The following SYN2 variants were observed in gnomAD, a reference collection of about 807,000 sequenced individuals.
The protein encoded by SYN2 is synapsin II.
In SYN2, 19 loss-of-function variants were observed where a neutral mutation model predicts 50.9. That is an observed-to-expected ratio of 0.37 (90% CI 0.26 to 0.55). SYN2 has a LOEUF of 0.55. Ranked by LOEUF, SYN2 falls within the 20% of genes least tolerant of loss-of-function variation. The probability of loss-of-function intolerance (pLI) is 0.81; values close to 1 mark genes in which losing one functional copy is unlikely to be tolerated. For missense variants in SYN2, 587 were observed against 576.4 expected (o/e 1.02, Z -0.19); for synonymous variants, 255 against 224.9 (o/e 1.13, Z -1.20).
At chr3:12,156,957 G>A (rs1197396872) in intron 5 of SYN2, 1 of 1,547,664 alleles carries the variant, frequency 6.5e-7, no homozygotes, top group Non-Finnish European at 8.9e-7. Flanking sequence ...TACAAAAAAA[G>A]GCAATATTGG....
chr3:12,165,797 C>A (rs531011583), intron 7 of SYN2, among the ~76,000 whole-genome samples: 2 of 152,140 alleles, frequency 1.3e-5, no homozygotes, highest in African/African-American at 2.4e-5. Flanking sequence ...ATTCTGTCTT[C>A]GTGTTTCTAC....
chr3:12,043,368 C>G (rs1032965903), intron 1 of SYN2, among the ~76,000 whole-genome samples: 5 of 152,006 alleles, frequency 3.3e-5, no homozygotes, highest in African/African-American at 1.2e-4. Flanking sequence ...TTAAAGCCAC[C>G]AAATTAGTGG....
Position 12,164,403 on chromosome 3 carries a change from A to G in SYN2, c.980+2249A>G, listed in dbSNP as rs1697729962. 2.0e-5 allele frequency among the ~76,000 whole-genome samples: 3 copies of G among 152,216 alleles called. No homozygotes were observed. The South Asian group carries it at 6.2e-4, about 32-fold the overall frequency. ...CATTTATTTACTTTTTTGGTGTGCA[A>G]GGGACCGTCAGTTATTGGAGAAATG... On this transcript the variant is annotated intron_variant, in intron 7 of 12. Coordinates refer to ENST00000621198, the MANE Select transcript of SYN2 (RefSeq NM_133625.6).
intron 10 of SYN2, among the ~76,000 whole-genome samples, chr3:12,182,600 A>G (rs1485036332): frequency 6.6e-6 from 1 of 152,156 alleles, no homozygotes; most frequent in East Asian, 1.9e-4. Flanking sequence ...TGTTACAAAC[A>G]TTAATGTCTT....
At chr3:12,119,859 TTTTTA>T (rs1696514327) in intron 1 of SYN2, among the ~76,000 whole-genome samples, 1 of 152,120 alleles carries the variant, frequency 6.6e-6, no homozygotes, top group Admixed American at 6.6e-5. Flanking sequence ...CACCTTGAGT[TTTTTA>T]TACAGTGTCA....
intron 1 of SYN2, among the ~76,000 whole-genome samples, chr3:12,068,391 TC>T (rs763977939): frequency 6.6e-6 from 1 of 152,172 alleles, no homozygotes; most frequent in Non-Finnish European, 1.5e-5. Flanking sequence ...GTTGATCTGT[TC>T]CCACCCTCTT....
chr3:12,145,893 A>T, intron 4 of SYN2, 58 bp downstream of exon 4: 1 of 1,601,514 alleles, frequency 6.2e-7, no homozygotes, highest in Non-Finnish European at 8.5e-7. Context: ...TACATCTCCC[A>T]GGTCCCTAGC....
chr3:12,108,757 G>A (rs1051006480), intron 1 of SYN2, among the ~76,000 whole-genome samples: 1 of 151,450 alleles, frequency 6.6e-6, no homozygotes, highest in Non-Finnish European at 1.5e-5. Context: ...ATTGCAGTGG[G>A]GTCCTAAATC....
At chr3:12,056,560 T>C (rs1172856499) in intron 1 of SYN2, among the ~76,000 whole-genome samples, 1 of 152,186 alleles carries the variant, frequency 6.6e-6, no homozygotes, top group Non-Finnish European at 1.5e-5. Flanking sequence ...CACCTATATA[T>C]TAAAAATATT....
rs1697030362 is a variant in SYN2 at position 12,142,017 on chromosome 3, A to G, written c.527+21A>G. The G allele has an allele frequency of 1.7e-5, 13 of 780,492 alleles. No individual in the cohort carries two copies. In the East Asian group the frequency reaches 3.2e-4, roughly 19 times the overall value. 48.3% of individuals were successfully genotyped at this position (780,492 alleles called of 1,614,324 possible). On this transcript the variant is annotated intron_variant, in intron 3 of 12. Coordinates refer to ENST00000621198, the MANE Select transcript of SYN2 (RefSeq NM_133625.6). ...GTCCGGTAAGGGTCTTTCTGTCCTC[A>G]GGATCATTGTGACTGTCTCCAGAGT... is the stretch of plus-strand genomic sequence containing the variant.
At chr3:12,166,336 A>G (rs1157424313) in intron 7 of SYN2, among the ~76,000 whole-genome samples, 2 of 152,220 alleles carry the variant, frequency 1.3e-5, no homozygotes, top group Non-Finnish European at 2.9e-5. Flanking sequence ...TTAAAAAGAC[A>G]TATTTTGGGT....
chr3:12,079,294 T>C (rs1384641874), intron 1 of SYN2, among the ~76,000 whole-genome samples: 1 of 152,204 alleles, frequency 6.6e-6, no homozygotes, highest in African/African-American at 2.4e-5. Context: ...TATCCTTTTT[T>C]CTTTCTCTTG....
intron 1 of SYN2, among the ~76,000 whole-genome samples, chr3:12,128,968 G>A (rs1416074592): frequency 6.6e-6 from 1 of 152,134 alleles, no homozygotes; most frequent in African/African-American, 2.4e-5. Context: ...CCACAAGGTC[G>A]CTATTCTCAT....
intron 1 of SYN2, among the ~76,000 whole-genome samples, chr3:12,104,629 C>T (rs1435918508): frequency 2.0e-4 from 24 of 117,566 alleles, no homozygotes; most frequent in African/African-American, 7.7e-4. Context: ...GGCTGGAGTG[C>T]GGTGGAGCGA....
chr3:12,087,779 C>T (rs976820506), intron 1 of SYN2, among the ~76,000 whole-genome samples: 2 of 151,780 alleles, frequency 1.3e-5, no homozygotes, highest in Non-Finnish European at 2.9e-5. Context: ...GTAACCCATG[C>T]GTTTATGATC....
At chr3:12,085,358 C>T (rs868158051) in intron 1 of SYN2, among the ~76,000 whole-genome samples, 1,031 of 56,190 alleles carry the variant, frequency 0.018, 7 homozygotes, top group African/African-American at 0.071. Context: ...GGAATACACA[C>T]ACACACACAC....
intron 1 of SYN2, among the ~76,000 whole-genome samples, chr3:12,084,576 A>G (rs147104902): frequency 2.6e-5 from 4 of 152,332 alleles, no homozygotes; most frequent in East Asian, 1.9e-4. Flanking sequence ...ACACAAAAAC[A>G]TGAAAGTACA....
chr3:12,038,099 C>T (rs1233207635), intron 1 of SYN2, among the ~76,000 whole-genome samples: 1 of 152,100 alleles, frequency 6.6e-6, no homozygotes, highest in African/African-American at 2.4e-5. Context: ...TGTGAAGAGT[C>T]CAAATTCATT....
intron 1 of SYN2, among the ~76,000 whole-genome samples, chr3:12,006,977 G>C (rs1184238424): frequency 6.6e-6 from 1 of 152,190 alleles, no homozygotes; most frequent in African/African-American, 2.4e-5. Flanking sequence ...ACCTTGTCCT[G>C]ATTTCTTATC....
Sources: allele counts gnomAD v4.1 joint callset (sites outside exome capture counted in the v4.1 genomes callset), GRCh38; gene constraint gnomAD v4.1.1; transcripts MANE v1.5; gene names NCBI Gene and HGNC (gene_info 2026-07-23, HGNC 2026-07-21).